MED23: variants seen among roughly 807,000 people sequenced by gnomAD.
MED23 encodes the protein mediator complex subunit 23, also known as mediator of RNA polymerase II transcription subunit 23.
A neutral mutation model predicts 163.9 loss-of-function variants in MED23; 105 were observed. That is an observed-to-expected ratio of 0.64 (90% CI 0.55 to 0.75). The LOEUF (loss-of-function observed/expected upper bound fraction) is 0.75, where lower values mean the gene tolerates loss of function less well. MED23 is among the 30% of genes least tolerant of loss of function. The probability of loss-of-function intolerance (pLI) is 0.00; values close to 1 mark genes in which losing one functional copy is unlikely to be tolerated. For missense variants in MED23, 1,054 were observed against 1,649.0 expected (o/e 0.64, Z 6.25); for synonymous variants, 561 against 565.6 (o/e 0.99, Z 0.12).
chr6:131,627,363 A>G lies in MED23; in HGVS notation c.159+33T>C, dbSNP rs929045557. The G allele has an allele frequency of 3.3e-6, 5 of 1,515,374 alleles. No individual in the cohort carries two copies. In the Admixed American group the frequency reaches 5.4e-5, roughly 17 times the overall value. 93.9% of individuals were successfully genotyped at this position (1,515,374 alleles called of 1,614,324 possible). The stretch of plus-strand genomic sequence containing the variant: ...AAAAAAAAAGAAGAGGCCAAAAATC[A>G]TCAGCTGAATGTATTAAAAATGAAG... On this transcript the variant is annotated intron_variant, in intron 3 of 28. Transcript: ENST00000368068.
chr6:131,627,893 C>T, intron 1 of MED23, 118 bp downstream of exon 1: 1 of 1,356,556 alleles, frequency 7.4e-7, no homozygotes, highest in South Asian at 1.2e-5. Flanking sequence ...GGTGTCAAAA[C>T]AAGGGAATAA....
Position 131,602,340 on chromosome 6 carries a change from C to A in MED23, c.1973G>T (p.Ser658Ile), listed in dbSNP as rs781551371. 1 of 1,613,740 alleles carries A rather than the reference C, an allele frequency of 6.2e-7. No homozygotes were observed. ...TGTAAACTGCGGTTGTACCTCTGAG[C>A]TACCTAATGCTGTTATAAGCCTGAG... Reference protein sequence around the residue: ...TALRLITALGSSEVQPQFTRF... With the variant: ...TALRLITALGISEVQPQFTRF... Residue 658 changes from serine (S) to isoleucine (I), a missense_variant, in exon 17 of 29, where the codon AGC becomes ATC. By Grantham distance (142) the Ser-to-Ile change is moderately radical. Transcript: ENST00000368068.
chr6:131,594,695 C>T (rs1296594016), intron 22 of MED23, among the ~76,000 whole-genome samples: 1 of 152,042 alleles, frequency 6.6e-6, no homozygotes, highest in Non-Finnish European at 1.5e-5. Flanking sequence ...AAACAGGGGA[C>T]TGATAAAGTA....
At chr6:131,614,725 C>T (rs1294913963) in intron 10 of MED23, among the ~76,000 whole-genome samples, 1 of 152,084 alleles carries the variant, frequency 6.6e-6, no homozygotes, top group East Asian at 1.9e-4. Context: ...CTTAGTCAAT[C>T]CCCATGTTTC....
At chr6:131,618,227 A>G (rs1776833113) in intron 9 of MED23, among the ~76,000 whole-genome samples, 180 bp downstream of exon 9, 1 of 152,232 alleles carries the variant, frequency 6.6e-6, no homozygotes, top group African/African-American at 2.4e-5. Context: ...ATAAACACCC[A>G]CAATAGCATA....
chr6:131,594,130 G>A lies in MED23; in HGVS notation c.3201C>T (p.Tyr1067=). ...EENPWVPDDT[Y]YCRLIGRLVD... The stretch of plus-strand genomic sequence containing the variant: ...CTAGTCTGCCAATCAATCTGCAATA[G>A]TAGGTGTCATCTGGAACCCAAGGAT... The change falls in exon 23 of 29, where the codon TAC becomes TAT. Residue 1067 remains tyrosine, a synonymous_variant. Transcript: ENST00000368068. The A allele has an allele frequency of 1.9e-6, 3 of 1,614,072 alleles. No individual in the cohort carries two copies. The highest frequency in any genetic ancestry group is 1.7e-6 in the Non-Finnish European group (2 of 1,179,980).
chr6:131,592,046 A>C, intron 25 of MED23: 1 of 304,386 alleles, frequency 3.3e-6, no homozygotes, highest in Non-Finnish European at 6.1e-6. Context: ...CTTAAGCACT[A>C]TCTGAAGGAA....
At chr6:131,583,854 A>C, downstream of MED23, 1 of 1,614,152 alleles carries the variant, frequency 6.2e-7, no homozygotes, top group Non-Finnish European at 8.5e-7. Context: ...CTTGTTTCGG[A>C]CTTGCTCGGG....
chr6:131,627,655 T>A lies in MED23; in HGVS notation c.57A>T (p.Glu19Asp). Residue 19 changes from glutamate to aspartate, a missense_variant, in exon 2 of 29, where the codon GAA becomes GAT. Around this residue, in one of 11 missense-constraint regions of MED23, gnomAD observed 227 missense variants for 235.5 expected, o/e 0.96. Transcript: ENST00000368068. Reference sequence around the variant, plus strand: ...CATACACTCACCCAGGAAAAGCCTCTTCTATAACTTCCGTTTTCTGTAAAA... The same window carrying A: ...CATACACTCACCCAGGAAAAGCCTCATCTATAACTTCCGTTTTCTGTAAAA... The part of the protein sequence containing the change: ...FEEVVKTEVI[E>D]EAFPGMFMDT... 1 of 1,607,842 alleles carries A rather than the reference T, an allele frequency of 6.2e-7. No homozygotes were observed. The highest frequency in any genetic ancestry group is 2.2e-5 in the East Asian group (1 of 44,788).
intron 30 of MED23, among the ~76,000 whole-genome samples, chr6:131,578,914 C>T (rs572633761): frequency 5.3e-5 from 8 of 152,204 alleles, no homozygotes; most frequent in African/African-American, 1.9e-4. Flanking sequence ...TACAGCCGCA[C>T]CAGTGTGTGA....
At chr6:131,606,739 C>A (rs572254144) in intron 12 of MED23, 115 bp from the exon 13 acceptor site, 4 of 933,592 alleles carry the variant, frequency 4.3e-6, no homozygotes, top group Non-Finnish European at 6.6e-6. Flanking sequence ...TCATGTCTTA[C>A]TTTAGCCCCG....
intron 10 of MED23, among the ~76,000 whole-genome samples, chr6:131,613,451 C>A (rs1372081319): frequency 6.6e-6 from 1 of 152,112 alleles, no homozygotes; most frequent in East Asian, 1.9e-4. Flanking sequence ...AGTAAATTAT[C>A]ACATTGCTAG....
Position 131,615,899 on chromosome 6 carries a change from T to C in MED23, c.876+8A>G. The stretch of plus-strand genomic sequence containing the variant: ...AGAATTTACTAGGTTTCCAGCATAG[T>C]ACAGTACCTGCTTATTTAAACCTAG... On this transcript the variant is annotated splice_region_variant and intron_variant, in intron 10 of 28. Transcript: ENST00000368068. The C allele has an allele frequency of 1.2e-6, 2 of 1,601,378 alleles. No individual in the cohort carries two copies. Among genetic ancestry groups the C allele is most frequent in the Non-Finnish European group, 1.7e-6 (2 of 1,168,584 alleles).
chr6:131,627,711 T>C, intron 1 of MED23, 39 bp from the exon 2 acceptor site: 1 of 1,575,892 alleles, frequency 6.3e-7, no homozygotes, highest in Non-Finnish European at 8.6e-7. Flanking sequence ...ACAATGTTAA[T>C]TTTAAAAAGG....
rs753494811 is a variant in MED23, at chr6:131,624,853, C to G, written c.284+12G>C. 1.2e-6 allele frequency: 2 copies of G among 1,613,660 alleles called. No individual in the cohort carries two copies. The highest frequency in any genetic ancestry group is 2.2e-5 in the South Asian group (2 of 91,078). ...GAAAATTCTTCAGATTGCTCATACC[C>G]ATTAAACGTACCTGGGTGGAAGGAG... On this transcript the variant is annotated intron_variant, in intron 4 of 28. Coordinates refer to ENST00000368068, the MANE Select transcript of MED23 (RefSeq NM_004830.4).
intron 12 of MED23, among the ~76,000 whole-genome samples, chr6:131,607,111 G>T (rs772327154): frequency 1.6e-4 from 24 of 151,752 alleles, no homozygotes; most frequent in Non-Finnish European, 2.8e-4. Flanking sequence ...ATGGATGTCT[G>T]GGATTTGCTT....
intron 24 of MED23, 96 bp from the exon 25 acceptor site, chr6:131,592,556 A>C: frequency 2.8e-6 from 3 of 1,054,016 alleles, no homozygotes; most frequent in Non-Finnish European, 4.4e-6. Context: ...TCTAATTCAG[A>C]GGATCGACAA....
downstream of MED23, chr6:131,582,696 G>T (rs1472741630): frequency 4.3e-6 from 7 of 1,613,690 alleles, no homozygotes; most frequent in African/African-American, 6.7e-5. Flanking sequence ...TGGCTTGAGA[G>T]ACGTGGACCC....
chr6:131,591,214 G>T, intron 26 of MED23, 99 bp downstream of exon 26: 3 of 873,398 alleles, frequency 3.4e-6, no homozygotes, highest in Non-Finnish European at 5.6e-6. Flanking sequence ...GCCTGACCTT[G>T]TGATCTGCCC....
Sources: allele counts gnomAD v4.1 joint callset (sites outside exome capture counted in the v4.1 genomes callset), GRCh38; gene constraint gnomAD v4.1.1; regional missense constraint gnomAD v4.1.1; transcripts MANE v1.5; gene names NCBI Gene and HGNC (gene_info 2026-07-23, HGNC 2026-07-21).